The following CDKN2B-AS1 variants were observed in gnomAD, a reference collection of about 807,000 sequenced individuals.
CDKN2B-AS1 encodes CDKN2B and CDKN2A antisense cis and trans regulatory RNA 1, also known as CDKN2B antisense RNA 1 (non-protein coding).
intron 4 of CDKN2B-AS1, among the ~76,000 whole-genome samples, chr9:22,103,130 G>GGTGTGTGTGT (rs1169941897): frequency 2.3e-5 from 2 of 88,482 alleles, no homozygotes; most frequent in African/African-American, 8.2e-5. Context: ...TTCTAGAACA[G>GGTGTGTGTGT]ATGTGTGTGT....
At chr9:22,059,048 A>G (rs1823693440) in intron 4 of CDKN2B-AS1, 1 of 152,492 alleles carries the variant, frequency 6.6e-6, no homozygotes, top group African/African-American at 2.4e-5. Context: ...GGGAGAAACA[A>G]TTCAAGGTGA....
At chr9:22,077,213 T>TATTTTACTTAATATAATTTAAATATA (rs1824531615) in intron 4 of CDKN2B-AS1, among the ~76,000 whole-genome samples, 2 of 152,296 alleles carry the variant, frequency 1.3e-5, no homozygotes, top group South Asian at 4.1e-4. Context: ...GTATCTGGCA[T>TATTTTACTTAATATAATTTAAATATA]ATTTTACTTA....
intron 4 of CDKN2B-AS1, among the ~76,000 whole-genome samples, chr9:22,069,465 C>T (rs1007842134): frequency 6.6e-6 from 1 of 152,150 alleles, no homozygotes; most frequent in Non-Finnish European, 1.5e-5. Context: ...AAATGATTCA[C>T]TGAGAGATAT....
At chr9:22,115,817 T>A (rs1825935419) in intron 4 of CDKN2B-AS1, among the ~76,000 whole-genome samples, 1 of 152,068 alleles carries the variant, frequency 6.6e-6, no homozygotes, top group Non-Finnish European at 1.5e-5. Context: ...TTTGGGGAAA[T>A]TTTCTTTTAT....
At chr9:22,027,177 C>CAAAAAAAAA (rs35868692) in intron 1 of CDKN2B-AS1, among the ~76,000 whole-genome samples, 1 of 141,786 alleles carries the variant, frequency 7.1e-6, no homozygotes. Context: ...ACCTTTCTAG[C>CAAAAAAAAA]AAAAAAAAAA....
intron 4 of CDKN2B-AS1, among the ~76,000 whole-genome samples, chr9:22,109,027 A>G (rs1825734637): frequency 6.6e-6 from 1 of 152,174 alleles, no homozygotes. Context: ...TGAATTTATG[A>G]GATTATTTTT....
At chr9:22,104,566 A>G (rs72652488) in intron 4 of CDKN2B-AS1, among the ~76,000 whole-genome samples, 1 of 152,170 alleles carries the variant, frequency 6.6e-6, no homozygotes, top group Non-Finnish European at 1.5e-5. Flanking sequence ...AGGACTGGAA[A>G]TCTCTACCAC....
chr9:22,076,848 A>C (rs896644268), intron 4 of CDKN2B-AS1, among the ~76,000 whole-genome samples: 1 of 152,068 alleles, frequency 6.6e-6, no homozygotes, highest in African/African-American at 2.4e-5. Context: ...ACGGGCCACC[A>C]CATTTGGCTA....
chr9:22,093,932 G>T (rs1328079108), intron 4 of CDKN2B-AS1, among the ~76,000 whole-genome samples: 2 of 144,526 alleles, frequency 1.4e-5, no homozygotes, highest in East Asian at 3.9e-4. Context: ...TTACAATTTG[G>T]CATGTTTTTG....
At chr9:22,091,003 A>G (rs55672229) in intron 4 of CDKN2B-AS1, among the ~76,000 whole-genome samples, 208 of 152,270 alleles carry the variant, frequency 1.4e-3, no homozygotes, top group African/African-American at 4.8e-3. Context: ...TAATTTTTGT[A>G]TAAGGTATAA....
intron 1 of CDKN2B-AS1, among the ~76,000 whole-genome samples, chr9:22,045,389 G>A (rs1440807018): frequency 6.6e-6 from 1 of 151,936 alleles, no homozygotes; most frequent in African/African-American, 2.4e-5. Flanking sequence ...GCTAATTACT[G>A]GTGAAAGTAG....
chr9:22,033,952 C>T (rs1481378353), intron 1 of CDKN2B-AS1, among the ~76,000 whole-genome samples: 2 of 152,182 alleles, frequency 1.3e-5, no homozygotes, highest in East Asian at 3.8e-4. Flanking sequence ...TAAGATTATA[C>T]AAGTAGTAGG....
intron 4 of CDKN2B-AS1, among the ~76,000 whole-genome samples, chr9:22,098,999 CAAG>C (rs1009772841): frequency 2.6e-5 from 4 of 152,238 alleles, no homozygotes; most frequent in African/African-American, 9.6e-5. Context: ...TAATACTAGG[CAAG>C]AAGTGCTTTT....
At chr9:22,059,429 AG>A (rs1192936993) in intron 4 of CDKN2B-AS1, among the ~76,000 whole-genome samples, 1 of 152,212 alleles carries the variant, frequency 6.6e-6, no homozygotes, top group African/African-American at 2.4e-5. Context: ...CTGTGACTCC[AG>A]GTCTCATATC....
chr9:22,015,007 C>A (rs1821677616), intron 1 of CDKN2B-AS1, among the ~76,000 whole-genome samples: 1 of 151,988 alleles, frequency 6.6e-6, no homozygotes, highest in Non-Finnish European at 1.5e-5. Context: ...TCCAGTCTAT[C>A]ATTGTTGGAC....
intron 1 of CDKN2B-AS1, among the ~76,000 whole-genome samples, chr9:21,998,557 A>G (rs3218013): frequency 1.6e-4 from 24 of 152,354 alleles, no homozygotes; most frequent in Admixed American, 1.5e-3. Flanking sequence ...TGGGTCACTT[A>G]TGCAGACAGA....
chr9:22,029,487 C>T (rs1265536709), intron 1 of CDKN2B-AS1: 3 of 779,586 alleles, frequency 3.8e-6, no homozygotes, highest in Admixed American at 1.7e-5. Flanking sequence ...GGTGTCCATG[C>T]TGTGATGATT....
At chr9:22,091,621 C>G (rs1346277122) in intron 4 of CDKN2B-AS1, among the ~76,000 whole-genome samples, 1 of 151,676 alleles carries the variant, frequency 6.6e-6, no homozygotes, top group African/African-American at 2.4e-5. Flanking sequence ...TGATTTGGCT[C>G]TCTGTCTGTT....
At chr9:22,012,941 T>G (rs1327492353) in intron 1 of CDKN2B-AS1, among the ~76,000 whole-genome samples, 2 of 152,202 alleles carry the variant, frequency 1.3e-5, no homozygotes, top group African/African-American at 4.8e-5. Context: ...GTATCCGTAT[T>G]AGTTTGCTAG....
Sources: allele counts gnomAD v4.1 joint callset (sites outside exome capture counted in the v4.1 genomes callset), GRCh38; gene constraint gnomAD v4.1.1; transcripts MANE v1.5; gene names NCBI Gene and HGNC (gene_info 2026-07-23, HGNC 2026-07-21).